TRIM54: variants seen among roughly 807,000 people sequenced by gnomAD.
TRIM54 encodes the protein tripartite motif-containing protein 54.
Under a neutral mutation model 42.0 loss-of-function variants are expected in TRIM54, and 40 were observed. The ratio of observed to expected loss-of-function variants is 0.95; its 90% CI spans 0.74 to 1.24. The LOEUF (loss-of-function observed/expected upper bound fraction) is 1.24. Ranked by LOEUF, TRIM54 falls within the 50% of genes most tolerant of loss-of-function variation. The pLI is 0.00. For synonymous variants in TRIM54, 199 were observed against 194.9 expected (o/e 1.02, Z -0.17); for missense variants, 485 against 480.3 (o/e 1.01, Z -0.09).
At chr2:27,303,920 A>T (rs1313288679) in intron 3 of TRIM54, among the ~76,000 whole-genome samples, 8 of 152,144 alleles carry the variant, frequency 5.3e-5, no homozygotes, top group Non-Finnish European at 1.0e-4. Flanking sequence ...AATATCAAAA[A>T]CCAACCATGT....
chr2:27,302,081 G>A (rs1328377657), intron 3 of TRIM54, among the ~76,000 whole-genome samples: 2 of 151,706 alleles, frequency 1.3e-5, no homozygotes, highest in Non-Finnish European at 2.9e-5. Context: ...TTGAACCCGG[G>A]AGGCGGAGGT....
chr2:27,306,852 G>A lies in TRIM54; in HGVS notation c.*2-35G>A. The A allele has an allele frequency of 2.2e-6, 1 of 456,670 alleles. No homozygotes were observed. The highest frequency in any genetic ancestry group is 3.9e-6 in the Non-Finnish European group (1 of 255,890). 28.3% of individuals were successfully genotyped at this position (456,670 alleles called of 1,614,324 possible). ...GCTCGAGCTGCCTCGTGCCTTCGCA[G>A]CACCCGCCCACCGAGCCTTCTTTCC... On this transcript the variant is annotated intron_variant, in intron 8 of 8. Coordinates refer to ENST00000380075, the MANE Select transcript of TRIM54 (RefSeq NM_187841.3). The surrounding 1 kb of genome is among the most constrained non-coding windows in gnomAD (Gnocchi z 6.1).
At chr2:27,286,500 G>T (rs577863999) in intron 1 of TRIM54, among the ~76,000 whole-genome samples, 7 of 152,286 alleles carry the variant, frequency 4.6e-5, no homozygotes, top group African/African-American at 1.7e-4. Flanking sequence ...AGCTGTTGGT[G>T]TGGGAATTTG....
chr2:27,302,657 G>A (rs915799130), intron 3 of TRIM54, among the ~76,000 whole-genome samples: 1 of 151,954 alleles, frequency 6.6e-6, no homozygotes, highest in Non-Finnish European at 1.5e-5. Context: ...TGGGCATGGT[G>A]GCAGTCGCCT....
intron 2 of TRIM54, 21 bp downstream of exon 2, chr2:27,298,760 G>A: frequency 6.2e-7 from 1 of 1,611,310 alleles, no homozygotes; most frequent in South Asian, 1.1e-5. Context: ...AGAGTCTCTT[G>A]CCTCTCTCAT....
At chr2:27,286,863 G>A (rs1370878120) in intron 1 of TRIM54, among the ~76,000 whole-genome samples, 1 of 152,126 alleles carries the variant, frequency 6.6e-6, no homozygotes, top group Non-Finnish European at 1.5e-5. Flanking sequence ...GTGTCATCAG[G>A]TACAGGCCTG....
chr2:27,285,661 A>T (rs1572516489), intron 1 of TRIM54, among the ~76,000 whole-genome samples: 1 of 152,070 alleles, frequency 6.6e-6, no homozygotes, highest in Admixed American at 6.6e-5. Flanking sequence ...ATCGCCCCCC[A>T]CCTGCCTTTG....
In TRIM54 at chr2:27,282,681, A is replaced by T; in HGVS notation, c.-51A>T. 6.4e-7 allele frequency: 1 copy of T among 1,568,706 alleles called. No homozygotes were observed. The highest frequency in any genetic ancestry group is 1.2e-5 in the South Asian group (1 of 84,314). The stretch of plus-strand genomic sequence containing the variant: ...TCTAAGCGAGGAAGGGTCTACAGGC[A>T]GTGAGTGAAGGCCAGGAGCAGGGCC... On this transcript the variant is annotated 5_prime_UTR_variant, in exon 1 of 9. Coordinates refer to ENST00000380075, the MANE Select transcript of TRIM54 (RefSeq NM_187841.3).
At chr2:27,295,453 G>A (rs116764908) in intron 1 of TRIM54, among the ~76,000 whole-genome samples, 3 of 152,028 alleles carry the variant, frequency 2.0e-5, no homozygotes, top group Non-Finnish European at 4.4e-5. Context: ...GATAACAGGC[G>A]CCTGCCACCG....
intron 5 of TRIM54, 79 bp downstream of exon 5, chr2:27,305,896 CTT>C: frequency 4.3e-6 from 6 of 1,394,958 alleles, no homozygotes; most frequent in Non-Finnish European, 5.9e-6. Context: ...GGGTTCAAGT[CTT>C]GTCTCTTGCA....
rs190741140 is a variant in TRIM54, at chr2:27,286,233, T to A, written c.168+3334T>A. Among the ~76,000 whole-genome samples, 140 of 152,090 alleles carry A rather than the reference T, an allele frequency of 9.2e-4. 1 individual carries two copies. The Middle Eastern group carries it at 0.031, about 33-fold the overall frequency. ...TGATCTTGAACTCCTGGGCTCAAGT[T>A]ATCTTCCTGCCTCAGCCTCTGGAGT... On this transcript the variant is annotated intron_variant, in intron 1 of 8. Transcript: ENST00000380075.
chr2:27,306,529 GGATGGGCCTTAAGGTGAGAGCCGCCC>G lies in TRIM54; in HGVS notation c.*1+9_*1+34del, dbSNP rs780557491. ...GCGCGGGGCCGGAGGAAGAGCGGCC[GGATGGGCCTTAAGGTGAGAGCCGCCC>G]GATGGGCCTTAAGGTGAGAGCGGCC... On this transcript the variant is annotated splice_donor_variant and splice_donor_5th_base_variant and coding_sequence_variant and 3_prime_UTR_variant and intron_variant, in exon 8 of 9. Transcript: ENST00000380075. LOFTEE classifies it high-confidence loss of function. This position sits in a 1 kb window ranked among gnomAD's most constrained non-coding sequence, Gnocchi z 6.1. The G allele has an allele frequency of 4.4e-5, 68 of 1,555,560 alleles. No individual in the cohort carries two copies. The highest frequency in any genetic ancestry group is 3.6e-4 in the East Asian group (15 of 41,904).
chr2:27,304,750 G>A, intron 3 of TRIM54: 2 of 486,886 alleles, frequency 4.1e-6, no homozygotes, highest in Admixed American at 6.5e-5. Flanking sequence ...TCCCCACTTA[G>A]TGGTGGAGGG....
intron 1 of TRIM54, among the ~76,000 whole-genome samples, chr2:27,284,170 G>A (rs1007215372): frequency 6.6e-6 from 1 of 152,138 alleles, no homozygotes. Context: ...GAATAGACCA[G>A]AGCTGGCTGG....
chr2:27,299,979 A>G (rs1052002122), intron 3 of TRIM54, among the ~76,000 whole-genome samples: 1 of 147,100 alleles, frequency 6.8e-6, no homozygotes, highest in East Asian at 2.1e-4. Flanking sequence ...AGCTCCATTT[A>G]TTTATTTTTT....
chr2:27,298,723 A>G lies in TRIM54; in HGVS notation c.325A>G (p.Lys109Glu). ...AGTGGAGAACATTATCGACATTTACAAGCAGGAGTCATCCAGGTGAGCCAC... is the reference window on the plus strand; with the variant it reads ...AGTGGAGAACATTATCGACATTTACGAGCAGGAGTCATCCAGGTGAGCCAC... Reference protein sequence around the residue: ...LLVENIIDIYKQESSRPLHSK... With the variant: ...LLVENIIDIYEQESSRPLHSK... Residue 109 changes from lysine to glutamate, a missense_variant, in exon 2 of 9, where the codon AAG becomes GAG. Physicochemically the swap from Lys to Glu is moderately conservative, Grantham distance 56. Coordinates refer to ENST00000380075, the MANE Select transcript of TRIM54 (RefSeq NM_187841.3). 1 of 1,613,986 alleles carries G rather than the reference A, an allele frequency of 6.2e-7. No individual in the cohort carries two copies. The highest frequency in any genetic ancestry group is 1.3e-5 in the African/African-American group (1 of 75,034).
chr2:27,303,685 G>T (rs929559205), intron 3 of TRIM54, among the ~76,000 whole-genome samples: 1 of 152,252 alleles, frequency 6.6e-6, no homozygotes, highest in East Asian at 1.9e-4. Flanking sequence ...ATTTAGGCCC[G>T]TAGGTATTCC....
chr2:27,306,024 G>T lies in TRIM54; in HGVS notation c.844-56G>T. The stretch of plus-strand genomic sequence containing the variant: ...AGGACTGTGGTGAGATTCAGAAATG[G>T]GACTTTGCCCAGGTTGGCCCAGTGC... On this transcript the variant is annotated intron_variant, in intron 5 of 8. Coordinates refer to ENST00000380075, the MANE Select transcript of TRIM54 (RefSeq NM_187841.3). This position sits in a 1 kb window ranked among gnomAD's most constrained non-coding sequence, Gnocchi z 6.1. 1 of 1,608,806 alleles carries T rather than the reference G, an allele frequency of 6.2e-7. No individual in the cohort carries two copies. Among genetic ancestry groups the T allele is most frequent in the Non-Finnish European group, 8.5e-7 (1 of 1,177,206 alleles).
chr2:27,292,646 A>G (rs1416528167), intron 1 of TRIM54, among the ~76,000 whole-genome samples: 1 of 152,124 alleles, frequency 6.6e-6, no homozygotes, highest in Non-Finnish European at 1.5e-5. Context: ...TGAAACTGTC[A>G]CCACTATCCA....
Sources: allele counts gnomAD v4.1 joint callset (sites outside exome capture counted in the v4.1 genomes callset), GRCh38; gene constraint gnomAD v4.1.1; non-coding constraint Gnocchi (gnomAD v3.1); transcripts MANE v1.5; gene names NCBI Gene and HGNC (gene_info 2026-07-23, HGNC 2026-07-21).